Variants in EML5 observed in about 807,000 individuals in gnomAD.
EML5 encodes EMAP like 5, also known as echinoderm microtubule-associated protein-like 5.
A neutral mutation model predicts 250.0 loss-of-function variants in EML5; 120 were observed. The observed-to-expected ratio is 0.48, with a 90% confidence interval of 0.41 to 0.56. The LOEUF is 0.56. Ranked by LOEUF, EML5 falls within the 20% of genes least tolerant of loss-of-function variation. The pLI, the probability that EML5 is intolerant of heterozygous loss-of-function variation, is 0.00. For missense variants in EML5, 2,006 were observed against 2,437.6 expected (o/e 0.82, Z 3.73); for synonymous variants, 771 against 806.5 (o/e 0.96, Z 0.75).
Position 88,614,941 on chromosome 14 carries a change from T to C in EML5, c.*877A>G, listed in dbSNP as rs1229540249. The C allele has an allele frequency of 2.0e-5, 3 of 152,222 alleles. No homozygotes were observed. The highest frequency in any genetic ancestry group is 4.4e-5 in the Non-Finnish European group (3 of 68,024). The allele number at this position is 152,222 out of a possible 1,614,324, so 9.4% of individuals were successfully genotyped here. A position where few individuals can be genotyped will look rare whatever the true frequency, so the allele number is the denominator to read the frequency against. On this transcript the variant is annotated 3_prime_UTR_variant, in exon 44 of 44. Transcript: ENST00000554922. ...TGTTGTATATGTGAATTTAACACTT[T>C]TGTTTACATGTTAAACAAATGTGTA...
At chr14:88,662,560 T>TTTA (rs1555430097) in intron 24 of EML5, among the ~76,000 whole-genome samples, 11 of 144,432 alleles carry the variant, frequency 7.6e-5, no homozygotes, top group African/African-American at 2.3e-4. Flanking sequence ...TTTTTTTTTT[T>TTTA]AATACAGGGT....
chr14:88,722,917 TA>T (rs533503687), intron 8 of EML5, among the ~76,000 whole-genome samples: 257 of 151,628 alleles, frequency 1.7e-3, no homozygotes, highest in East Asian at 8.3e-3. Context: ...AAAATTAAAA[TA>T]AAAAAAATGT....
chr14:88,620,934 T>TAAAAAAAA lies in EML5; in HGVS notation c.5203-16_5203-9dup, dbSNP rs35953031. The TAAAAAAAA allele has an allele frequency of 8.3e-7, 1 of 1,204,242 alleles. No homozygotes were observed. 74.6% of individuals were successfully genotyped at this position (1,204,242 alleles called of 1,614,324 possible). ...CACTTTGTTTAACATCTTCTGCATT[T>TAAAAAAAA]AAAAAAAAAAAAAAAAAGAGTCATA... On this transcript the variant is annotated splice_polypyrimidine_tract_variant and intron_variant, in intron 38 of 43. Coordinates refer to ENST00000554922, the MANE Select transcript of EML5 (RefSeq NM_183387.3). This position sits in a 1 kb window ranked among gnomAD's most constrained non-coding sequence, Gnocchi z 4.3.
intron 28 of EML5, among the ~76,000 whole-genome samples, chr14:88,648,140 T>C (rs1248565860): frequency 2.0e-5 from 3 of 152,176 alleles, no homozygotes; most frequent in African/African-American, 4.8e-5. Flanking sequence ...GAAGGAATCA[T>C]GAAAGTCATT....
intron 1 of EML5, among the ~76,000 whole-genome samples, chr14:88,766,388 C>G (rs2094320356): frequency 6.6e-6 from 1 of 152,056 alleles, no homozygotes; most frequent in African/African-American, 2.4e-5. Context: ...AATGTGTTCC[C>G]AAGGGGAGGT....
intron 21 of EML5, among the ~76,000 whole-genome samples, chr14:88,675,653 A>G (rs2092578347): frequency 6.6e-6 from 1 of 152,186 alleles, no homozygotes; most frequent in African/African-American, 2.4e-5. Context: ...GCTCCTCATT[A>G]TTTATGCAAA....
At chr14:88,674,456 G>T (rs1396754321) in intron 21 of EML5, among the ~76,000 whole-genome samples, 1 of 152,104 alleles carries the variant, frequency 6.6e-6, no homozygotes, top group African/African-American at 2.4e-5. Flanking sequence ...ACAAACAGGT[G>T]AAATCCCAGA....
chr14:88,702,612 C>T lies in EML5; in HGVS notation c.2072G>A (p.Arg691Gln), dbSNP rs779121960. The T allele has an allele frequency of 1.9e-5, 30 of 1,594,104 alleles. No homozygotes were observed. Among genetic ancestry groups the T allele is most frequent in the African/African-American group, 2.7e-5 (2 of 74,388 alleles). The change falls in exon 14 of 44, where the codon CGA (arginine) becomes CAA (glutamine). Residue 691 changes from arginine (R) to glutamine (Q), a missense_variant. Transcript: ENST00000554922. ...AATTTGAGTATAAAACAGATTACTT[C>T]GACAGTCATAACCTCTGTAACTAAT... ...FVHGYRGYDCRSNLFYTQIGE... is the reference protein window; with the variant it reads ...FVHGYRGYDCQSNLFYTQIGE...
chr14:88,768,881 A>C (rs1322602300), intron 1 of EML5, among the ~76,000 whole-genome samples: 1 of 152,188 alleles, frequency 6.6e-6, no homozygotes, highest in Non-Finnish European at 1.5e-5. Context: ...AAAGGGCTAG[A>C]GAGTAAATGT....
intron 21 of EML5, among the ~76,000 whole-genome samples, chr14:88,669,271 G>A (rs1195637540): frequency 3.3e-5 from 5 of 152,164 alleles, no homozygotes; most frequent in South Asian, 2.1e-4. Flanking sequence ...ACAGACTGCC[G>A]AAGACTACCA....
intron 13 of EML5, among the ~76,000 whole-genome samples, chr14:88,703,187 CATAAGT>C (rs751904462): frequency 5.9e-5 from 9 of 152,138 alleles, no homozygotes; most frequent in Non-Finnish European, 1.3e-4. Flanking sequence ...CTACCATTTA[CATAAGT>C]ATAATATTAA....
At chr14:88,653,668 C>T (rs2091741991) in intron 27 of EML5, among the ~76,000 whole-genome samples, 1 of 152,120 alleles carries the variant, frequency 6.6e-6, no homozygotes, top group South Asian at 2.1e-4. Context: ...GGTGGATAAG[C>T]TTTTTGATGT....
intron 8 of EML5, among the ~76,000 whole-genome samples, chr14:88,720,526 C>A (rs1470219698): frequency 6.6e-6 from 1 of 151,970 alleles, no homozygotes; most frequent in Non-Finnish European, 1.5e-5. Flanking sequence ...AAAACAAAGA[C>A]CATATGATTA....
intron 1 of EML5, among the ~76,000 whole-genome samples, chr14:88,772,621 T>C (rs547841314): frequency 9.9e-5 from 15 of 152,120 alleles, no homozygotes; most frequent in Non-Finnish European, 1.9e-4. Flanking sequence ...GGCGTGGTGG[T>C]GCGTGCCTGT....
rs181070602 is a variant in EML5 at position 88,661,112 on chromosome 14, A to G, written c.3675+542T>C. Among the ~76,000 whole-genome samples, 114 of 152,302 alleles carry G rather than the reference A, an allele frequency of 7.5e-4. 1 individual carries two copies. In the East Asian group the frequency reaches 0.016, roughly 21 times the overall value. On this transcript the variant is annotated intron_variant, in intron 25 of 43. Coordinates refer to ENST00000554922, the MANE Select transcript of EML5 (RefSeq NM_183387.3). ...AGGAATGTGTCTCTCTCTCTGACAC[A>G]GGGTTTTGCGCTGTCACCCAGACTG... is the stretch of plus-strand genomic sequence containing the variant.
intron 28 of EML5, among the ~76,000 whole-genome samples, chr14:88,647,760 G>T (rs984407322): frequency 7.2e-6 from 1 of 138,748 alleles, no homozygotes; most frequent in Non-Finnish European, 1.6e-5. Flanking sequence ...GGTGAAAAAA[G>T]AAAAAAACAA....
chr14:88,623,304 A>G (rs1595226429), intron 36 of EML5: 2 of 152,274 alleles, frequency 1.3e-5, no homozygotes, highest in East Asian at 3.8e-4. Context: ...GGTATGAGCC[A>G]CTGTGCCTGG....
chr14:88,657,637 C>T, intron 26 of EML5, 135 bp from the exon 27 acceptor site: 1 of 738,828 alleles, frequency 1.4e-6, no homozygotes, highest in Non-Finnish European at 2.0e-6. Context: ...TAATATACAA[C>T]CAGAAAAAAC....
At chr14:88,676,766 G>T (rs1461115230) in intron 21 of EML5, among the ~76,000 whole-genome samples, 4 of 152,078 alleles carry the variant, frequency 2.6e-5, no homozygotes, top group Non-Finnish European at 5.9e-5. Flanking sequence ...AAACATCATG[G>T]CCACTAGTAC....
Sources: allele counts gnomAD v4.1 joint callset (sites outside exome capture counted in the v4.1 genomes callset), GRCh38; gene constraint gnomAD v4.1.1; non-coding constraint Gnocchi (gnomAD v3.1); transcripts MANE v1.5; gene names NCBI Gene and HGNC (gene_info 2026-07-23, HGNC 2026-07-21).